Variants in ZSCAN31 observed in about 807,000 individuals in gnomAD.
ZSCAN31 encodes the protein zinc finger and SCAN domain containing 31, also known as zinc finger and SCAN domain-containing protein 31.
A neutral mutation model predicts 22.5 loss-of-function variants in ZSCAN31; 14 were observed. That is an observed-to-expected ratio of 0.62 (90% confidence interval 0.41 to 0.97). The LOEUF (loss-of-function observed/expected upper bound fraction) is 0.97, where lower values mean the gene tolerates loss of function less well. Among genes scored for constraint, ZSCAN31 ranks in the 50% least tolerant of loss-of-function variants. ZSCAN31 has a pLI of 0.00. For synonymous variants in ZSCAN31, 168 were observed against 169.8 expected, an observed-to-expected ratio of 0.99 and a Z score of 0.08; for missense variants, 424 against 483.4, an observed-to-expected ratio of 0.88 and a Z score of 1.15.
upstream of ZSCAN31, among the ~76,000 whole-genome samples, chr6:28,354,970 G>C (rs1337468409): frequency 6.6e-6 from 1 of 152,176 alleles, no homozygotes; most frequent in Non-Finnish European, 1.5e-5. Flanking sequence ...CAGTTTATTA[G>C]CTACTTTGTC....
intron 2 of ZSCAN31, among the ~76,000 whole-genome samples, chr6:28,344,109 C>A (rs568672276): frequency 2.0e-5 from 3 of 152,196 alleles, no homozygotes; most frequent in East Asian, 1.9e-4. Context: ...ACCACATGAG[C>A]AAAATGTGAT....
chr6:28,337,802 T>G (rs943072469), upstream of ZSCAN31: 1 of 152,202 alleles, frequency 6.6e-6, no homozygotes, highest in African/African-American at 2.4e-5. Context: ...AGCTCACGCC[T>G]GTAATCCCAA....
chr6:28,350,728 A>G (rs1052869211), intron 2 of ZSCAN31, among the ~76,000 whole-genome samples: 4 of 152,188 alleles, frequency 2.6e-5, no homozygotes, highest in African/African-American at 9.6e-5. Flanking sequence ...TTTTACTGTC[A>G]TTCATCAATT....
rs7740592 is a variant in ZSCAN31 at position 28,343,706 on chromosome 6, G to A, written c.-370-1914C>T. ...ATGCCCGGCTAATATTTTGTATTTC[G>A]TTTAGTAGAAACGGGGTTTCACCGT... On this transcript the variant is annotated intron_variant, in intron 2 of 7. Transcript: ENST00000396838. Among the ~76,000 whole-genome samples the A allele has an allele frequency of 6.3e-3, 953 of 151,620 alleles. 12 individuals carry two copies. Among genetic ancestry groups the A allele is most frequent in the African/African-American group, 0.021 (873 of 41,324 alleles).
In ZSCAN31 at chr6:28,325,121, T is replaced by C. The variant is rs1458127761; in HGVS notation, c.*1045A>G. On this transcript the variant is annotated 3_prime_UTR_variant, in exon 4 of 4. Transcript: ENST00000344279. ...GATTTGAACTTGGTGCCAGAGCATATGTTTAACCCTGGCAATAAGTGTCTA... is the reference window on the plus strand; with the variant it reads ...GATTTGAACTTGGTGCCAGAGCATACGTTTAACCCTGGCAATAAGTGTCTA... 6.6e-6 allele frequency: 1 copy of C among 152,188 alleles called. No homozygotes were observed. The highest frequency in any genetic ancestry group is 1.5e-5 in the Non-Finnish European group (1 of 68,034). The allele number at this position is 152,188 out of a possible 1,614,324, so 9.4% of individuals were successfully genotyped here.
At chr6:28,343,300 A>C (rs1015194998) in intron 2 of ZSCAN31, among the ~76,000 whole-genome samples, 4 of 152,178 alleles carry the variant, frequency 2.6e-5, no homozygotes, top group Non-Finnish European at 4.4e-5. Context: ...CAGACAAAAG[A>C]GTACTCAGAA....
chr6:28,340,396 C>T (rs543934193), upstream of ZSCAN31, among the ~76,000 whole-genome samples: 10 of 152,274 alleles, frequency 6.6e-5, no homozygotes, highest in East Asian at 5.8e-4. Context: ...ATCATGGGGG[C>T]GGTTTTCTCC....
chr6:28,337,796 C>T (rs1764251050), upstream of ZSCAN31: 1 of 152,152 alleles, frequency 6.6e-6, no homozygotes, highest in African/African-American at 2.4e-5. Flanking sequence ...TGTAATAGCT[C>T]ACGCCTGTAA....
chr6:28,346,334 A>G (rs1449410950), intron 2 of ZSCAN31, among the ~76,000 whole-genome samples: 1 of 126,740 alleles, frequency 7.9e-6, no homozygotes, highest in African/African-American at 3.4e-5. Context: ...GCTTCTCCTC[A>G]GTACAATCTT....
rs200585682 is a variant in ZSCAN31 at position 28,326,178 on chromosome 6, T to C, written c.1209A>G (p.Gly403=). ...AAACTCATCACCCTTATGGTCTCTCTCCAGTGTGGATTTTCTGATGTTTCT... is the reference window on the plus strand; with the variant it reads ...AAACTCATCACCCTTATGGTCTCTCCCCAGTGTGGATTTTCTGATGTTTCT... ...LLKKHQKIHT[G]ERP The change falls in exon 4 of 4, where the codon GGA becomes GGG. Residue 403 remains glycine, a synonymous_variant. Coordinates refer to ENST00000344279, the MANE Select transcript of ZSCAN31 (RefSeq NM_030899.5). 1 of 1,610,248 alleles carries C rather than the reference T, an allele frequency of 6.2e-7. No homozygotes were observed. The highest frequency in any genetic ancestry group is 8.5e-7 in the Non-Finnish European group (1 of 1,177,412).
At chr6:28,348,140 T>C (rs921502139) in intron 2 of ZSCAN31, among the ~76,000 whole-genome samples, 8 of 152,184 alleles carry the variant, frequency 5.3e-5, no homozygotes, top group African/African-American at 1.9e-4. Context: ...ACTATATGTG[T>C]TGCAAATATC....
Position 28,351,237 on chromosome 6 carries a change from G to A in ZSCAN31, c.-371+2625C>T, listed in dbSNP as rs1764990475. ...GATCAGTTTGGCTCAGATCCAAGTA[G>A]GGGCCAGGTAGTGAAACCTAAATGG... On this transcript the variant is annotated intron_variant, in intron 2 of 7. Coordinates refer to the ZSCAN31 transcript ENST00000396838. This position sits in a 1 kb window ranked among gnomAD's most constrained non-coding sequence, Gnocchi z 4.6. 6.6e-6 allele frequency among the ~76,000 whole-genome samples: 1 copy of A among 152,156 alleles called. No individual in the cohort carries two copies. Among genetic ancestry groups the A allele is most frequent in the South Asian group, 2.1e-4 (1 of 4,830 alleles).
Position 28,329,514 on chromosome 6 carries a change from A to G in ZSCAN31, c.170T>C (p.Leu57Pro). 6.2e-7 allele frequency: 1 copy of G among 1,614,232 alleles called. No homozygotes were observed. Among genetic ancestry groups the G allele is most frequent in the Non-Finnish European group, 8.5e-7 (1 of 1,180,044 alleles). Residue 57 changes from leucine (L) to proline (P), a missense_variant, in exon 2 of 4, where the codon CTG becomes CCG. Physicochemically the swap from Leu to Pro is moderately conservative, Grantham distance 98. Transcript: ENST00000344279. ...YQETPGPREA[L>P]SRLRELCHQW... ...ATGACAGAGTTCTCGGAGCCGGCTC[A>G]GAGCTTCTCGGGGACCAGGAGTCTC...
rs7752608 is a variant in ZSCAN31 at position 28,333,418 on chromosome 6, A to G, written c.-96+2664T>C. On this transcript the variant is annotated intron_variant, in intron 1 of 3. Transcript: ENST00000344279. The surrounding 1 kb of genome is among the most constrained non-coding windows in gnomAD (Gnocchi z 4.1). ...GACCAGGCCCTGTTTTGCTGGAGCA[A>G]ACATTTTAACGGGGAAGACAAACCA... is the stretch of plus-strand genomic sequence containing the variant. Among the ~76,000 whole-genome samples the G allele has an allele frequency of 0.092, 14,015 of 152,236 alleles. 761 individuals carry two copies. The highest frequency in any genetic ancestry group is 0.13 in the African/African-American group (5,498 of 41,502).
In ZSCAN31 at chr6:28,331,621, A is replaced by G. The variant is rs1463586215; in HGVS notation, c.-95-1843T>C. On this transcript the variant is annotated intron_variant, in intron 1 of 3. Coordinates refer to ENST00000344279, the MANE Select transcript of ZSCAN31 (RefSeq NM_030899.5). This position sits in a 1 kb window ranked among gnomAD's most constrained non-coding sequence, Gnocchi z 4.8. The stretch of plus-strand genomic sequence containing the variant: ...ATATCTTTTTACTCCTTACTGTAGC[A>G]TCTGGTAATTTGGTTTGTTGAGTCT... Among the ~76,000 whole-genome samples, 2 of 152,224 alleles carry G rather than the reference A, an allele frequency of 1.3e-5. No homozygotes were observed. The highest frequency in any genetic ancestry group is 1.9e-4 in the East Asian group (1 of 5,202).
rs1469524904 is a variant in ZSCAN31 at position 28,325,439 on chromosome 6, T to C, written c.*727A>G. On this transcript the variant is annotated 3_prime_UTR_variant, in exon 4 of 4. Transcript: ENST00000344279. ...CAACATAGTTATGTTGATATGTATA[T>C]ACTATGTTGATGATTCATGTCAAAC... 1.3e-5 allele frequency: 2 copies of C among 151,602 alleles called. No individual in the cohort carries two copies. The highest frequency in any genetic ancestry group is 2.9e-5 in the Non-Finnish European group (2 of 68,008). The allele number at this position is 151,602 out of a possible 1,614,324, so 9.4% of individuals were successfully genotyped here.
chr6:28,334,115 C>A lies in ZSCAN31; in HGVS notation c.-96+1967G>T, dbSNP rs569068014. 2.7e-4 allele frequency among the ~76,000 whole-genome samples: 41 copies of A among 152,254 alleles called. 1 individual carries two copies. Among genetic ancestry groups the A allele is most frequent in the African/African-American group, 7.7e-4 (32 of 41,554 alleles). On this transcript the variant is annotated intron_variant, in intron 1 of 3. Coordinates refer to ENST00000344279, the MANE Select transcript of ZSCAN31 (RefSeq NM_030899.5). ...AAAAGCAGTTCAGTCACTGGACAAT[C>A]AATTTATGGAGCTGAGCTAAGAGCT...
rs536203668 is a variant in ZSCAN31 at position 28,329,790 on chromosome 6, G to A, written c.-95-12C>T. 7.0e-5 allele frequency: 94 copies of A among 1,335,704 alleles called. No homozygotes were observed. In the South Asian group the frequency reaches 1.2e-3, roughly 17 times the overall value. The allele number at this position is 1,335,704 out of a possible 1,614,324, so 82.7% of individuals were successfully genotyped here. A position where few individuals can be genotyped will look rare whatever the true frequency, so the allele number is the denominator to read the frequency against. On this transcript the variant is annotated splice_polypyrimidine_tract_variant and intron_variant, in intron 1 of 3. Transcript: ENST00000344279. ...TTAGGAGAAGACACCTGATGATAGAGCATTATATATTAATGGAAATAAATC... is the reference window on the plus strand; with the variant it reads ...TTAGGAGAAGACACCTGATGATAGAACATTATATATTAATGGAAATAAATC...
Position 28,324,820 on chromosome 6 carries a change from A to G in ZSCAN31, c.*1346T>C, listed in dbSNP as rs1245281167. The G allele has an allele frequency of 6.6e-6, 1 of 152,346 alleles. No homozygotes were observed. Among genetic ancestry groups the G allele is most frequent in the Non-Finnish European group, 1.5e-5 (1 of 68,026 alleles). 9.4% of individuals were successfully genotyped at this position (152,346 alleles called of 1,614,324 possible). A position where few individuals can be genotyped will look rare whatever the true frequency, so the allele number is the denominator to read the frequency against. On this transcript the variant is annotated 3_prime_UTR_variant, in exon 4 of 4. Transcript: ENST00000344279. This position sits in a 1 kb window ranked among gnomAD's most constrained non-coding sequence, Gnocchi z 4.8. ...TTCAGGTTTTGACTGTGGAGAAAAG[A>G]GTAACAAGAATGTCAGCAGAGGCAT...
Sources: gnomAD v4.1 joint callset for allele counts (sites outside exome capture counted in the v4.1 genomes callset) on GRCh38, gnomAD v4.1.1 for gene constraint, Gnocchi (gnomAD v3.1) non-coding constraint, MANE v1.5 for transcripts, NCBI Gene and HGNC (gene_info 2026-07-23, HGNC 2026-07-21) for gene names.